Variants in ABCA13 observed in about 807,000 individuals in gnomAD.
The protein encoded by ABCA13 is ATP-binding cassette sub-family A member 13.
ABCA13 carries 476 observed loss-of-function variants against 478.7 expected under a neutral mutation model. That is an observed-to-expected ratio of 0.99 (90% CI 0.92 to 1.07). The LOEUF (loss-of-function observed/expected upper bound fraction) is 1.07, where lower values mean the gene tolerates loss of function less well. Among genes scored for constraint, ABCA13 ranks in the 50% least tolerant of loss-of-function variants. The pLI is 0.00. For synonymous variants in ABCA13, 2,252 were observed against 2,158.9 expected, an observed-to-expected ratio of 1.04 and a Z score of -1.20; for missense variants, 6,060 against 5,910.6, an observed-to-expected ratio of 1.03 and a Z score of -0.83.
intron 3 of ABCA13, among the ~76,000 whole-genome samples, chr7:48,211,555 C>T (rs1399487391): frequency 6.6e-6 from 1 of 152,026 alleles, no homozygotes; most frequent in Non-Finnish European, 1.5e-5. Context: ...CATGTTGGGT[C>T]ACACCTGAAG....
intron 27 of ABCA13, among the ~76,000 whole-genome samples, chr7:48,330,861 T>G (rs901157087): frequency 1.7e-4 from 26 of 152,218 alleles, no homozygotes; most frequent in Non-Finnish European, 3.5e-4. Context: ...AAGCAGGCTC[T>G]TATTAGTATG....
intron 3 of ABCA13, among the ~76,000 whole-genome samples, chr7:48,200,543 C>G (rs1166996840): frequency 2.0e-5 from 3 of 152,166 alleles, no homozygotes; most frequent in African/African-American, 7.2e-5. Context: ...TAATAGCTCA[C>G]CAGCATTGCA....
intron 26 of ABCA13, 81 bp from the exon 27 acceptor site, chr7:48,317,076 C>A: frequency 6.7e-7 from 1 of 1,490,036 alleles, no homozygotes; most frequent in Admixed American, 2.5e-5. Flanking sequence ...ATGAGGCATC[C>A]TGGATATGTG....
chr7:48,524,391 A>T lies in ABCA13; in HGVS notation c.14195A>T (p.Gln4732Leu), dbSNP rs201872941. 298 of 1,613,246 alleles carry T rather than the reference A, an allele frequency of 1.8e-4. No homozygotes were observed. Among genetic ancestry groups the T allele is most frequent in the Middle Eastern group, 3.3e-4 (2 of 6,056 alleles). Residue 4732 changes from glutamine to leucine, a missense_variant, in exon 54 of 62, where the codon CAG becomes CTG. By Grantham distance (113) the Gln-to-Leu change is moderately radical. Transcript: ENST00000435803. ...AGTAAACATTATCGACGCTTTTTCC[A>T]GAATATTATTGCTGTGCAAGATATT... is the stretch of plus-strand genomic sequence containing the variant. ...NLSKHYRRFF[Q>L]NIIAVQDISL...
chr7:48,419,535 T>C (rs1408564614), intron 41 of ABCA13, among the ~76,000 whole-genome samples: 1 of 147,802 alleles, frequency 6.8e-6, no homozygotes, highest in African/African-American at 2.4e-5. Context: ...AAAAGAGTAA[T>C]TCTTCCACGT....
At chr7:48,410,726 G>A (rs765600727) in intron 40 of ABCA13, 49 bp downstream of exon 40, 2 of 1,574,720 alleles carry the variant, frequency 1.3e-6, no homozygotes, top group Non-Finnish European at 1.7e-6. Context: ...TTCTGTCTGT[G>A]GCATAAGAAA....
intron 15 of ABCA13, among the ~76,000 whole-genome samples, chr7:48,254,686 G>C (rs149209473): frequency 9.5e-4 from 144 of 152,216 alleles, no homozygotes; most frequent in Middle Eastern, 6.8e-3. Flanking sequence ...ATTCAGTCAG[G>C]AATTAAACTA....
In ABCA13 at chr7:48,271,851, C is replaced by G. The variant is rs984734780; in HGVS notation, c.2185C>G (p.Gln729Glu). ...EKKLHTLEDE[Q>E]MNFLLSFVEF... Reference sequence around the variant, plus strand: ...GAAGTTGCACACCCTTGAGGATGAACAAATGAACTTTCTTTTATCATTTGT... The same window carrying G: ...GAAGTTGCACACCCTTGAGGATGAAGAAATGAACTTTCTTTTATCATTTGT... Residue 729 changes from glutamine to glutamate, a missense_variant, in exon 17 of 62, where the codon CAA becomes GAA. This residue lies in a region of ABCA13 where 4,423 missense variants were observed against 4,309.1 expected (regional missense o/e 1.03). Transcript: ENST00000435803. 3 of 1,591,216 alleles carry G rather than the reference C, an allele frequency of 1.9e-6. No homozygotes were observed. The highest frequency in any genetic ancestry group is 1.8e-5 in the Admixed American group (1 of 56,498).
At chr7:48,557,286 A>C (rs936465135) in intron 55 of ABCA13, among the ~76,000 whole-genome samples, 3 of 147,644 alleles carry the variant, frequency 2.0e-5, no homozygotes, top group African/African-American at 7.7e-5. Context: ...CACTATTACC[A>C]GTGAGCTTTA....
chr7:48,489,087 G>C, intron 47 of ABCA13, 149 bp from the exon 48 acceptor site: 1 of 571,088 alleles, frequency 1.8e-6, no homozygotes, highest in Non-Finnish European at 3.1e-6. Flanking sequence ...ACTGCTCACT[G>C]TCAGCCATGC....
chr7:48,271,707 A>T, intron 16 of ABCA13, 80 bp from the exon 17 acceptor site: 1 of 872,308 alleles, frequency 1.1e-6, no homozygotes, highest in Non-Finnish European at 1.6e-6. Context: ...TACTATCAAT[A>T]AATGAGTATT....
rs1266190843 is a variant in ABCA13 at position 48,594,701 on chromosome 7, T to C, written c.14641-9T>C. The C allele has an allele frequency of 5.0e-6, 8 of 1,612,504 alleles. No individual in the cohort carries two copies. The highest frequency in any genetic ancestry group is 1.3e-5 in the African/African-American group (1 of 74,892). Reference sequence around the variant, plus strand: ...AAATGCTGATTACTCTGTGTTGCCTTTCCTTCAGGATGAGCCCAGCTCTGG... The same window carrying C: ...AAATGCTGATTACTCTGTGTTGCCTCTCCTTCAGGATGAGCCCAGCTCTGG... On this transcript the variant is annotated splice_polypyrimidine_tract_variant and intron_variant, in intron 57 of 61. Transcript: ENST00000435803.
chr7:48,367,185 G>C (rs1044442613), intron 31 of ABCA13, among the ~76,000 whole-genome samples: 1 of 152,094 alleles, frequency 6.6e-6, no homozygotes, highest in Admixed American at 6.6e-5. Context: ...AGAAAAGAGA[G>C]GAGGAGGGAA....
At chr7:48,358,200 A>AC (rs1387269488) in intron 31 of ABCA13, among the ~76,000 whole-genome samples, 11 of 129,878 alleles carry the variant, frequency 8.5e-5, no homozygotes, top group African/African-American at 2.9e-4. Context: ...ACAGGACAGG[A>AC]AAGGAAAGGA....
At chr7:48,517,003 G>T in intron 52 of ABCA13, 122 bp downstream of exon 52, 1 of 1,085,196 alleles carries the variant, frequency 9.2e-7, no homozygotes, top group Non-Finnish European at 1.3e-6. Flanking sequence ...GGTATCCACT[G>T]TCTTTAAACT....
intron 41 of ABCA13, among the ~76,000 whole-genome samples, chr7:48,417,747 G>A (rs6945363): frequency 0.27 from 40,817 of 151,874 alleles, 6,507 homozygotes; most frequent in East Asian, 0.44. Context: ...GTTTGGATGA[G>A]TATATAATTC....
chr7:48,643,244 G>A (rs757773512), intron 59 of ABCA13, 44 bp from the exon 60 acceptor site: 7 of 1,304,244 alleles, frequency 5.4e-6, no homozygotes, highest in Non-Finnish European at 6.5e-6. Context: ...CTCATCTTAG[G>A]TCAATATGAT....
At chr7:48,352,572 G>T in intron 31 of ABCA13, 85 bp downstream of exon 31, 1 of 1,397,434 alleles carries the variant, frequency 7.2e-7, no homozygotes, top group South Asian at 1.7e-5. Context: ...GTTTTTCTAT[G>T]GTTATTTCAA....
intron 57 of ABCA13, among the ~76,000 whole-genome samples, chr7:48,591,525 G>A (rs1036776751): frequency 6.6e-6 from 1 of 151,872 alleles, no homozygotes; most frequent in Non-Finnish European, 1.5e-5. Flanking sequence ...AATGACAATG[G>A]AATTGTAGGA....
Sources: gnomAD v4.1 joint callset for allele counts (sites outside exome capture counted in the v4.1 genomes callset) on GRCh38, gnomAD v4.1.1 for gene constraint, gnomAD v4.1.1 regional missense constraint, MANE v1.5 for transcripts, NCBI Gene and HGNC (gene_info 2026-07-23, HGNC 2026-07-21) for gene names.